Variants in ABCC12 observed in about 807,000 individuals in gnomAD.
The protein encoded by ABCC12 is ATP binding cassette subfamily C member 12.
Under a neutral mutation model 151.1 loss-of-function variants are expected in ABCC12, and 142 were observed. The ratio of observed to expected loss-of-function variants is 0.94; its 90% confidence interval spans 0.82 to 1.08. The LOEUF (loss-of-function observed/expected upper bound fraction) is 1.08, where lower values mean the gene tolerates loss of function less well. Among genes scored for constraint, ABCC12 ranks in the 50% least tolerant of loss-of-function variants. ABCC12 has a pLI of 0.00. For missense variants in ABCC12, 1,638 were observed against 1,691.1 expected, an observed-to-expected ratio of 0.97 and a Z score of 0.55; for synonymous variants, 645 against 646.4, an observed-to-expected ratio of 1.00 and a Z score of 0.03.
At chr16:48,099,720 C>T (rs1462630556) in intron 23 of ABCC12, among the ~76,000 whole-genome samples, 2 of 152,198 alleles carry the variant, frequency 1.3e-5, no homozygotes, top group Non-Finnish European at 2.9e-5. Flanking sequence ...GTCCTCCTTC[C>T]TGGCCTCTCG....
rs778644311 is a variant in ABCC12 at position 48,144,059 on chromosome 16, T to A, written c.126A>T (p.Ala42=). 6.2e-7 allele frequency: 1 copy of A among 1,613,234 alleles called. No individual in the cohort carries two copies. Among genetic ancestry groups the A allele is most frequent in the South Asian group, 1.1e-5 (1 of 90,946 alleles). The part of the protein sequence containing the change: ...MIPVRPCARL[A]PNPVDDAGLL... The stretch of plus-strand genomic sequence containing the variant: ...GCCCGGCATCATCCACCGGGTTGGG[T>A]GCTAACCTGCAGACAAACAAGACAC... The change falls in exon 4 of 31, where the codon GCA becomes GCT. Residue 42 remains alanine (A), a synonymous_variant. Transcript: ENST00000311303.
intron 23 of ABCC12, among the ~76,000 whole-genome samples, chr16:48,097,632 T>C (rs192828839): frequency 7.0e-4 from 107 of 152,052 alleles, no homozygotes; most frequent in African/African-American, 2.3e-3. Context: ...ATTCCCCAGA[T>C]GTATGCAAGG....
At position 48,100,918 on chromosome 16, in the gene ABCC12, G is replaced by A. The variant is rs1963283974; in HGVS notation, c.2992C>T (p.Leu998=). 9 of 1,614,212 alleles carry A rather than the reference G, an allele frequency of 5.6e-6. No individual in the cohort carries two copies. The East Asian group carries it at 2.0e-4, about 36-fold the overall frequency. ...TTGCCATAGGCGTGAATGATGCCCA[G>A]GCCCTGCATGGAGGAGGTGATGTGG... ...FTHITSSMQG[L]GIIHAYGKKE... Residue 998 remains leucine (L), a synonymous_variant, in exon 23 of 31, where the codon CTG becomes TTG. Transcript: ENST00000311303.
At chr16:48,085,789 T>G (rs940531801) in intron 28 of ABCC12, 83 bp from the exon 29 acceptor site, 32 of 1,102,132 alleles carry the variant, frequency 2.9e-5, no homozygotes, top group Admixed American at 2.0e-4. Flanking sequence ...CCCCCTTCTC[T>G]TGCATTCATC....
intron 21 of ABCC12, 119 bp downstream of exon 21, chr16:48,105,020 A>C (rs1393665783): frequency 8.7e-7 from 1 of 1,150,828 alleles, no homozygotes; most frequent in East Asian, 2.4e-5. Context: ...ACTAGACTGC[A>C]AGCTCTATGA....
Position 48,133,699 on chromosome 16 carries a change from G to A in ABCC12, c.1116C>T (p.Leu372=), listed in dbSNP as rs756776112. 137 of 1,613,902 alleles carry A rather than the reference G, an allele frequency of 8.5e-5. No homozygotes were observed. The highest frequency in any genetic ancestry group is 1.1e-4 in the Non-Finnish European group (130 of 1,180,006). The part of the protein sequence containing the change: ...LSCHILLRRK[L]TAPVAFSVIA... ...AGCCAGCTCTTACCACGGGTGCGGT[G>A]AGTTTGCGTCTCAGGAGGATGTGGC... The change falls in exon 9 of 31, where the codon CTC becomes CTT. Residue 372 remains leucine (L), a synonymous_variant. Transcript: ENST00000311303.
At chr16:48,084,759 T>C (rs1962510411) in intron 29 of ABCC12, among the ~76,000 whole-genome samples, 1 of 152,204 alleles carries the variant, frequency 6.6e-6, no homozygotes, top group South Asian at 2.1e-4. Flanking sequence ...TAAGTTAATA[T>C]ATTAAAAGTC....
At chr16:48,155,037 G>C (rs1965165770) in intron 1 of ABCC12, among the ~76,000 whole-genome samples, 1 of 152,222 alleles carries the variant, frequency 6.6e-6, no homozygotes, top group Non-Finnish European at 1.5e-5. Flanking sequence ...CACCTCTCCT[G>C]TCTGTCCCCA....
chr16:48,142,333 T>C (rs1417434270), intron 4 of ABCC12, among the ~76,000 whole-genome samples: 6 of 152,168 alleles, frequency 3.9e-5, no homozygotes, highest in African/African-American at 9.7e-5. Flanking sequence ...GGACATGTTA[T>C]TGGGGGAGTC....
intron 15 of ABCC12, 34 bp downstream of exon 15, chr16:48,115,381 C>T: frequency 6.2e-7 from 1 of 1,604,408 alleles, no homozygotes; most frequent in Non-Finnish European, 8.5e-7. Flanking sequence ...CCACACCCAT[C>T]CCGTGACCTC....
intron 25 of ABCC12, 148 bp downstream of exon 25, chr16:48,090,972 A>C: frequency 4.1e-6 from 3 of 727,692 alleles, no homozygotes; most frequent in Non-Finnish European, 7.1e-6. Context: ...CGGCCTCCCA[A>C]AGTGCTGGGA....
intron 1 of ABCC12, among the ~76,000 whole-genome samples, chr16:48,155,517 T>C (rs1348771790): frequency 6.6e-6 from 1 of 152,188 alleles, no homozygotes; most frequent in Non-Finnish European, 1.5e-5. Context: ...TTTGTGTTTG[T>C]GCATGTGTGG....
chr16:48,108,583 C>G, intron 18 of ABCC12, 54 bp from the exon 19 acceptor site: 1 of 1,495,666 alleles, frequency 6.7e-7, no homozygotes, highest in South Asian at 1.2e-5. Context: ...GGGGGCCCAG[C>G]GAGGTAGGCA....
chr16:48,085,744 T>C (rs1306942441), intron 28 of ABCC12, 38 bp from the exon 29 acceptor site: 5 of 1,532,262 alleles, frequency 3.3e-6, no homozygotes, highest in Non-Finnish European at 4.5e-6. Context: ...GTGCTGATGA[T>C]CTATAAAATT....
At chr16:48,089,788 A>G (rs1962800760) in intron 25 of ABCC12, among the ~76,000 whole-genome samples, 1 of 152,238 alleles carries the variant, frequency 6.6e-6, no homozygotes. Flanking sequence ...AGTATTCACA[A>G]TATATTAACA....
At position 48,112,088 on chromosome 16, in the gene ABCC12, T is replaced by A. The variant is rs115505989; in HGVS notation, c.1990-178A>T. Among the ~76,000 whole-genome samples, 446 of 152,188 alleles carry A rather than the reference T, an allele frequency of 2.9e-3. 4 individuals are homozygous for A. The highest frequency in any genetic ancestry group is 8.9e-3 in the African/African-American group (371 of 41,520). On this transcript the variant is annotated intron_variant, in intron 15 of 30. Coordinates refer to ENST00000311303, the MANE Select transcript of ABCC12 (RefSeq NM_001393797.1). ...CCTCCCTGGCCTCTACCCCACTAGATGTCGGTAGCACCCCCTCCTGGAGGT... is the reference window on the plus strand; with the variant it reads ...CCTCCCTGGCCTCTACCCCACTAGAAGTCGGTAGCACCCCCTCCTGGAGGT...
Position 48,140,827 on chromosome 16 carries a change from C to T in ABCC12, c.517G>A (p.Glu173Lys), listed in dbSNP as rs745699306. The T allele has an allele frequency of 1.8e-5, 29 of 1,614,092 alleles. No homozygotes were observed. The highest frequency in any genetic ancestry group is 2.4e-5 in the Non-Finnish European group (28 of 1,180,016). The part of the protein sequence containing the change: ...IGLCIALFAT[E>K]FTKVFFWALA... Reference sequence around the variant, plus strand: ...GCCCAAAAGAAGACTTTGGTAAACTCGGTGGCAAAAAGGGCTATGCACAGT... The same window carrying T: ...GCCCAAAAGAAGACTTTGGTAAACTTGGTGGCAAAAAGGGCTATGCACAGT... The change falls in exon 6 of 31, where the codon GAG becomes AAG. Residue 173 changes from glutamate to lysine, a missense_variant. Coordinates refer to ENST00000311303, the MANE Select transcript of ABCC12 (RefSeq NM_001393797.1).
intron 29 of ABCC12, among the ~76,000 whole-genome samples, chr16:48,085,133 C>G (rs1345206440): frequency 2.0e-5 from 3 of 152,084 alleles, no homozygotes; most frequent in African/African-American, 7.2e-5. Flanking sequence ...ACTGGCATTA[C>G]TAAAGCAACA....
intron 10 of ABCC12, among the ~76,000 whole-genome samples, chr16:48,130,016 T>C (rs1964368006): frequency 1.3e-5 from 2 of 152,188 alleles, no homozygotes; most frequent in Non-Finnish European, 2.9e-5. Context: ...ACTGGTTGGA[T>C]GTGTATGGTA....
Sources: allele counts gnomAD v4.1 joint callset (sites outside exome capture counted in the v4.1 genomes callset), GRCh38; gene constraint gnomAD v4.1.1; transcripts MANE v1.5; gene names NCBI Gene and HGNC (gene_info 2026-07-23, HGNC 2026-07-21).